Variants in ARSL observed in about 807,000 individuals in gnomAD.
ARSL encodes arylsulfatase L, also known as arylsulfatase E (chondrodysplasia punctata 1).
A neutral mutation model predicts 31.1 loss-of-function variants in ARSL; 4 were observed. The observed-to-expected ratio is 0.13, with a 90% CI of 0.06 to 0.29. The LOEUF is 0.29. ARSL is among the 10% of genes least tolerant of loss of function. The pLI, the probability that ARSL is intolerant of heterozygous loss-of-function variation, is 1.00. For missense variants in ARSL, 312 were observed against 497.8 expected, an observed-to-expected ratio of 0.63 and a Z score of 3.55; for synonymous variants, 198 against 209.9, an observed-to-expected ratio of 0.94 and a Z score of 0.49.
intron 2 of ARSL, among the ~76,000 whole-genome samples, chrX:2,960,068 G>C (rs1214178710): frequency 4.8e-5 from 5 of 104,505 alleles, no homozygotes; most frequent in Non-Finnish European, 9.9e-5. Flanking sequence ...AGGAGATCGA[G>C]ACCATCCTGG....
upstream of ARSL, among the ~76,000 whole-genome samples, chrX:2,965,066 G>A (rs1054241726): frequency 9.1e-6 from 1 of 110,365 alleles, no homozygotes; most frequent in African/African-American, 3.3e-5. Context: ...CAGCCTGAGT[G>A]ACAGAGCAAG....
chrX:2,954,485 G>A (rs1472877998), intron 4 of ARSL, among the ~76,000 whole-genome samples: 1 of 111,311 alleles, frequency 9.0e-6, no homozygotes, highest in Non-Finnish European at 1.9e-5. Flanking sequence ...CAGTAGAGAC[G>A]GAGTTTCCCC....
At chrX:2,944,248 G>C (rs971306241) in intron 7 of ARSL, among the ~76,000 whole-genome samples, 3 of 109,290 alleles carry the variant, frequency 2.7e-5, no homozygotes, top group African/African-American at 1.0e-4. Flanking sequence ...AAGGTCAGCA[G>C]TTCGAGACCA....
chrX:2,948,963 C>T (rs961830117), intron 6 of ARSL, among the ~76,000 whole-genome samples: 1 of 110,075 alleles, frequency 9.1e-6, no homozygotes, highest in Non-Finnish European at 1.9e-5. Flanking sequence ...CCCTGTGTCA[C>T]CCAGGCTGGA....
At position 2,934,731 on chromosome X, in the gene ARSL, C is replaced by T; in HGVS notation, c.*101G>A. 1.3e-6 allele frequency: 1 copy of T among 794,866 alleles called. No individual in the cohort carries two copies. Among genetic ancestry groups the T allele is most frequent in the Non-Finnish European group, 1.8e-6 (1 of 544,125 alleles). The allele number at this position is 794,866 out of a possible 1,213,427, so 65.5% of individuals were successfully genotyped here. A position where few individuals can be genotyped will look rare whatever the true frequency, so the allele number is the denominator to read the frequency against. ...ACGGGAGTGATCCTCCTGTGGTGGC[C>T]TCCTAAAGTGCTGGGATGACAACCA... On this transcript the variant is annotated 3_prime_UTR_variant, in exon 11 of 11. Transcript: ENST00000381134.
chrX:2,967,876 A>G (rs770634621), upstream of ARSL, among the ~76,000 whole-genome samples: 103 of 111,293 alleles, frequency 9.3e-4, no homozygotes, highest in Non-Finnish European at 1.7e-3. Flanking sequence ...CATCTCTAAG[A>G]TAAGAATCTA....
At chrX:2,966,322 C>T (rs914479847), upstream of ARSL, among the ~76,000 whole-genome samples, 1 of 111,497 alleles carries the variant, frequency 9.0e-6, no homozygotes, top group Non-Finnish European at 1.9e-5. Flanking sequence ...ATGGTAATTG[C>T]TTTCACTTTG....
At chrX:2,937,655 G>A (rs1213584807) in intron 9 of ARSL, among the ~76,000 whole-genome samples, 1 of 110,893 alleles carries the variant, frequency 9.0e-6, no homozygotes, top group Non-Finnish European at 1.9e-5. Context: ...CAGGAGACAA[G>A]ATAAGGGTAA....
chrX:2,939,864 CTTTTTT>C (rs35373572), intron 8 of ARSL, among the ~76,000 whole-genome samples: 1 of 55,413 alleles, frequency 1.8e-5, no homozygotes, highest in Non-Finnish European at 3.2e-5. Context: ...ACCCTTCTAC[CTTTTTT>C]TTTTTTTTTT....
At position 2,949,585 on chromosome X, in the gene ARSL, G is replaced by C; in HGVS notation, c.573C>G (p.Val191=). 1 of 1,211,359 alleles carries C rather than the reference G, an allele frequency of 8.3e-7. No homozygotes were observed. Among genetic ancestry groups the C allele is most frequent in the African/African-American group, 1.7e-5 (1 of 57,652 alleles). The change falls in exon 6 of 11, where the codon GTC becomes GTG. Residue 191 remains valine (V), a synonymous_variant. Transcript: ENST00000381134. ...GGAAGTTGAGTTTTTGTTCCAGGTT[G>C]ACACGCTTCTCTGAGAGTTCCCAGC... ...CARWELSEKR[V]NLEQKLNFLF...
In ARSL at chrX:2,953,200, T is replaced by C; in HGVS notation, c.373A>G (p.Asn125Asp). The C allele has an allele frequency of 8.3e-7, 1 of 1,210,668 alleles. No individual in the cohort carries two copies. ...WTGASGGLPT[N>D]ETTFAKILKE... is the part of the protein sequence containing the mutation. ...AGTATTTTTGCAAAAGTTGTCTCAT[T>C]TGTTGGAAGACCTCCAGATGCTCCG... The change falls in exon 5 of 11, where the codon AAT becomes GAT. Residue 125 changes from asparagine to aspartate, a missense_variant. By Grantham distance (23) the Asn-to-Asp change is conservative. Transcript: ENST00000381134.
At chrX:2,959,460 C>T (rs1041076068) in intron 2 of ARSL, 3 of 777,161 alleles carry the variant, frequency 3.9e-6, no homozygotes, top group Middle Eastern at 4.8e-4. Context: ...TGGGAATGCA[C>T]ATGGACAGCA....
chrX:2,954,987 G>C (rs2089506704), intron 4 of ARSL, among the ~76,000 whole-genome samples: 1 of 111,957 alleles, frequency 8.9e-6, no homozygotes, highest in Admixed American at 9.5e-5. Flanking sequence ...ATTCTGGGGG[G>C]ATTAGGGCAA....
chrX:2,940,129 A>C (rs1480480253), intron 8 of ARSL, among the ~76,000 whole-genome samples: 2 of 109,371 alleles, frequency 1.8e-5, no homozygotes, highest in African/African-American at 6.6e-5. Flanking sequence ...CGGTCTCCCA[A>C]AGTGCTGGGA....
At chrX:2,964,422 G>A (rs945053943), upstream of ARSL, 137 of 750,603 alleles carry the variant, frequency 1.8e-4, no homozygotes, top group Non-Finnish European at 2.1e-4. Context: ...CGCAGCATGG[G>A]GGAATCTCAA....
At chrX:2,937,611 G>T (rs1197906992) in intron 9 of ARSL, among the ~76,000 whole-genome samples, 1 of 110,270 alleles carries the variant, frequency 9.1e-6, no homozygotes, top group Admixed American at 9.7e-5. Context: ...TTATTGGGGG[G>T]TCTAAAAGAA....
intron 1 of ARSL, among the ~76,000 whole-genome samples, chrX:2,961,858 GT>G (rs772533894): frequency 0.027 from 2,514 of 92,029 alleles, 86 homozygotes; most frequent in African/African-American, 0.085. Flanking sequence ...GGATCCCAGG[GT>G]TTTTTTTTTT....
chrX:2,965,591 T>C (rs145742262), upstream of ARSL, among the ~76,000 whole-genome samples: 519 of 105,390 alleles, frequency 4.9e-3, 3 homozygotes, highest in African/African-American at 0.017. Flanking sequence ...TTTCAAGCAA[T>C]GCTTGGTTTA....
At chrX:2,962,417 G>A (rs765522152) in intron 1 of ARSL, among the ~76,000 whole-genome samples, 3 of 111,835 alleles carry the variant, frequency 2.7e-5, no homozygotes, top group African/African-American at 9.7e-5. Flanking sequence ...TAGAAGGGCC[G>A]AGCGGCCAGT....
Sources: gnomAD v4.1 joint callset for allele counts (sites outside exome capture counted in the v4.1 genomes callset) on GRCh38, gnomAD v4.1.1 for gene constraint, MANE v1.5 for transcripts, NCBI Gene and HGNC (gene_info 2026-07-23, HGNC 2026-07-21) for gene names.